Variants in CCDC85C observed in about 807,000 individuals in gnomAD.
The protein encoded by CCDC85C is coiled-coil domain-containing protein 85C.
Under a neutral mutation model 38.3 loss-of-function variants are expected in CCDC85C, and 18 were observed. The observed-to-expected ratio is 0.47, with a 90% confidence interval of 0.33 to 0.70. CCDC85C has a LOEUF of 0.70. Among genes scored for constraint, CCDC85C ranks in the 30% least tolerant of loss-of-function variants. CCDC85C has a pLI of 0.03. For missense variants in CCDC85C, 566 were observed against 621.2 expected (o/e 0.91, Z 0.94); for synonymous variants, 264 against 293.8 (o/e 0.90, Z 1.04).
chr14:99,581,435 A>G (rs2054967646), intron 1 of CCDC85C, among the ~76,000 whole-genome samples: 1 of 152,244 alleles, frequency 6.6e-6, no homozygotes, highest in Admixed American at 6.5e-5. Context: ...AGGACAGCGT[A>G]TGAAGCCTCA....
At chr14:99,592,438 T>TGAGCC (rs2055097679) in intron 1 of CCDC85C, among the ~76,000 whole-genome samples, 1 of 152,158 alleles carries the variant, frequency 6.6e-6, no homozygotes, top group African/African-American at 2.4e-5. Context: ...GAGAGACTGC[T>TGAGCC]CAGCCCAGCC....
At chr14:99,552,708 G>A (rs188316188) in intron 1 of CCDC85C, among the ~76,000 whole-genome samples, 1 of 152,354 alleles carries the variant, frequency 6.6e-6, no homozygotes, top group East Asian at 1.9e-4. Context: ...GTGCTCAGCT[G>A]CCAATGACCC....
intron 1 of CCDC85C, among the ~76,000 whole-genome samples, chr14:99,587,003 G>A (rs1425531004): frequency 1.3e-5 from 2 of 152,308 alleles, no homozygotes; most frequent in East Asian, 3.9e-4. Context: ...ACAGTGGGAG[G>A]GACACCCCAA....
At chr14:99,567,335 A>AG (rs758683301) in intron 1 of CCDC85C, among the ~76,000 whole-genome samples, 32 of 152,122 alleles carry the variant, frequency 2.1e-4, no homozygotes, top group Non-Finnish European at 3.8e-4. Flanking sequence ...TGGTCGCCCC[A>AG]GGGGGGTCAC....
rs2055244357 is a variant in CCDC85C at position 99,604,012 on chromosome 14, C to T, written c.-53G>A. ...TCGCCCTCGCCCGGCCGGCGCTTCCCCGCGCCGGGGCTCCGCTGGGCCGGT... is the reference window on the plus strand; with the variant it reads ...TCGCCCTCGCCCGGCCGGCGCTTCCTCGCGCCGGGGCTCCGCTGGGCCGGT... On this transcript the variant is annotated 5_prime_UTR_variant, in exon 1 of 6. Coordinates refer to ENST00000380243, the MANE Select transcript of CCDC85C (RefSeq NM_001144995.2). 8.6e-7 allele frequency: 1 copy of T among 1,157,000 alleles called. No homozygotes were observed. Among genetic ancestry groups the T allele is most frequent in the Non-Finnish European group, 1.1e-6 (1 of 941,446 alleles). 71.7% of individuals were successfully genotyped at this position (1,157,000 alleles called of 1,614,324 possible).
At chr14:99,597,939 A>AT (rs1338456677) in intron 1 of CCDC85C, among the ~76,000 whole-genome samples, 1 of 152,242 alleles carries the variant, frequency 6.6e-6, no homozygotes, top group Non-Finnish European at 1.5e-5. Context: ...TCGAGACATT[A>AT]TTAGCCTCAG....
chr14:99,521,567 G>A (rs548189225), intron 3 of CCDC85C, among the ~76,000 whole-genome samples: 3 of 152,312 alleles, frequency 2.0e-5, no homozygotes, highest in African/African-American at 7.2e-5. Context: ...TCCTGGAGGC[G>A]TGAAGTCCCA....
intron 1 of CCDC85C, among the ~76,000 whole-genome samples, chr14:99,566,728 C>T (rs1221367965): frequency 1.3e-5 from 2 of 152,220 alleles, no homozygotes; most frequent in Non-Finnish European, 2.9e-5. Context: ...CGTCCACTGG[C>T]CACCATGGCA....
At position 99,603,715 on chromosome 14, in the gene CCDC85C, T is replaced by C. The variant is rs2055237195; in HGVS notation, c.245A>G (p.Gln82Arg). The C allele has an allele frequency of 4.6e-6, 7 of 1,517,794 alleles. No individual in the cohort carries two copies. In the African/African-American group the frequency reaches 5.7e-5, roughly 12 times the overall value. The allele number at this position is 1,517,794 out of a possible 1,614,324, so 94.0% of individuals were successfully genotyped here. ...DVNQRLQDDNQELRELCCFLD... is the reference protein window; with the variant it reads ...DVNQRLQDDNRELRELCCFLD... Reference sequence around the variant, plus strand: ...GAAGCAGCAGAGCTCGCGCAGCTCCTGGTTGTCGTCCTGCAGCCGCTGGTT... The same window carrying C: ...GAAGCAGCAGAGCTCGCGCAGCTCCCGGTTGTCGTCCTGCAGCCGCTGGTT... The change falls in exon 1 of 6, where the codon CAG becomes CGG. Residue 82 changes from glutamine to arginine, a missense_variant. This residue lies in a region of CCDC85C where 269 missense variants were observed against 308.2 expected (regional missense o/e 0.87). Coordinates refer to ENST00000380243, the MANE Select transcript of CCDC85C (RefSeq NM_001144995.2). This position sits in a 1 kb window ranked among gnomAD's most constrained non-coding sequence, Gnocchi z 7.5.
intron 3 of CCDC85C, 42 bp downstream of exon 3, chr14:99,522,091 C>T (rs1053276991): frequency 6.8e-7 from 1 of 1,475,206 alleles, no homozygotes; most frequent in Middle Eastern, 1.7e-4. Context: ...AGCCTCAGCC[C>T]CTCATCCAGA....
intron 2 of CCDC85C, among the ~76,000 whole-genome samples, chr14:99,525,051 G>T (rs748221357): frequency 1.4e-4 from 22 of 152,352 alleles, no homozygotes; most frequent in East Asian, 7.7e-4. Context: ...CACTTCTAGA[G>T]CCTCCAGAGG....
intron 1 of CCDC85C, among the ~76,000 whole-genome samples, chr14:99,568,582 C>T (rs1339636858): frequency 2.6e-5 from 4 of 152,162 alleles, no homozygotes; most frequent in Non-Finnish European, 5.9e-5. Context: ...TCAGGAAAGA[C>T]GTGGCCGCTG....
At chr14:99,593,780 C>G (rs1017176438) in intron 1 of CCDC85C, among the ~76,000 whole-genome samples, 1 of 152,224 alleles carries the variant, frequency 6.6e-6, no homozygotes. Flanking sequence ...CTCTGGCCAC[C>G]CAGCAGAACC....
intron 1 of CCDC85C, among the ~76,000 whole-genome samples, chr14:99,559,922 G>A (rs766260194): frequency 1.3e-5 from 2 of 151,952 alleles, no homozygotes; most frequent in Admixed American, 1.3e-4. Flanking sequence ...CAGAGGCCAC[G>A]GGACTGGGTT....
rs146532300 is a variant in CCDC85C, at chr14:99,517,860, G to A, written c.976-677C>T. ...AAGCCAGGTGCAGGGCTTCTGCCTCGGGCTGCAGTGGGGACCACAGGGGCC... is the reference window on the plus strand; with the variant it reads ...AAGCCAGGTGCAGGGCTTCTGCCTCAGGCTGCAGTGGGGACCACAGGGGCC... On this transcript the variant is annotated intron_variant, in intron 3 of 5. Transcript: ENST00000380243. Among the ~76,000 whole-genome samples the A allele has an allele frequency of 5.8e-3, 887 of 152,326 alleles. 5 individuals carry two copies. The highest frequency in any genetic ancestry group is 0.02 in the African/African-American group (845 of 41,572).
At chr14:99,591,603 T>G (rs1263505507) in intron 1 of CCDC85C, among the ~76,000 whole-genome samples, 2 of 152,168 alleles carry the variant, frequency 1.3e-5, no homozygotes, top group African/African-American at 4.8e-5. Context: ...ATGTGCCTTC[T>G]GCACAGCAAG....
At chr14:99,568,669 G>T (rs183916272) in intron 1 of CCDC85C, among the ~76,000 whole-genome samples, 1 of 152,202 alleles carries the variant, frequency 6.6e-6, no homozygotes, top group African/African-American at 2.4e-5. Flanking sequence ...GGAGGATGCC[G>T]CTGGGCCTCG....
chr14:99,563,062 C>T (rs1428852573), intron 1 of CCDC85C, among the ~76,000 whole-genome samples: 1 of 152,228 alleles, frequency 6.6e-6, no homozygotes, highest in Non-Finnish European at 1.5e-5. Context: ...ATAAAACGGC[C>T]TTTGCATCTT....
intron 2 of CCDC85C, among the ~76,000 whole-genome samples, chr14:99,532,653 G>A (rs578257876): frequency 6.2e-4 from 94 of 152,252 alleles, no homozygotes; most frequent in African/African-American, 2.2e-3. Context: ...CGAGAGCCAA[G>A]GGCCCCTCCC....
Sources: allele counts gnomAD v4.1 joint callset (sites outside exome capture counted in the v4.1 genomes callset), GRCh38; gene constraint gnomAD v4.1.1; regional missense constraint gnomAD v4.1.1; non-coding constraint Gnocchi (gnomAD v3.1); transcripts MANE v1.5; gene names NCBI Gene and HGNC (gene_info 2026-07-23, HGNC 2026-07-21).